The following CACNA2D3 variants were observed in gnomAD, a reference collection of about 807,000 sequenced individuals.
CACNA2D3 encodes voltage-dependent calcium channel subunit alpha-2/delta-3.
A neutral mutation model predicts 160.6 loss-of-function variants in CACNA2D3; 60 were observed. The observed-to-expected ratio is 0.37, with a 90% confidence interval of 0.30 to 0.46. The LOEUF is 0.46. CACNA2D3 is among the 20% of genes least tolerant of loss of function. The pLI is 1.00. For missense variants in CACNA2D3, 1,205 were observed against 1,365.0 expected (o/e 0.88, Z 1.85); for synonymous variants, 558 against 492.9 (o/e 1.13, Z -1.75).
chr3:54,378,528 G>A (rs2107554892), intron 3 of CACNA2D3, among the ~76,000 whole-genome samples: 1 of 152,212 alleles, frequency 6.6e-6, no homozygotes, highest in Middle Eastern at 3.4e-3. Context: ...CATTCATTGT[G>A]GACTATCCCC....
At chr3:54,753,590 A>C (rs1440033948) in intron 12 of CACNA2D3, among the ~76,000 whole-genome samples, 3 of 152,204 alleles carry the variant, frequency 2.0e-5, no homozygotes, top group African/African-American at 7.2e-5. Flanking sequence ...ATGACAAATA[A>C]ACTTTTATGT....
intron 8 of CACNA2D3, among the ~76,000 whole-genome samples, chr3:54,573,828 G>A (rs1293179041): frequency 1.3e-5 from 2 of 152,212 alleles, no homozygotes; most frequent in Non-Finnish European, 2.9e-5. Flanking sequence ...CCAATCCTAA[G>A]TGTGTTCTGC....
chr3:54,431,626 T>A (rs1699992113), intron 4 of CACNA2D3, among the ~76,000 whole-genome samples: 1 of 152,226 alleles, frequency 6.6e-6, no homozygotes, highest in African/African-American at 2.4e-5. Context: ...TTTATTTTTA[T>A]TTATTTTAGA....
At chr3:54,345,732 G>A (rs1698444838) in intron 3 of CACNA2D3, among the ~76,000 whole-genome samples, 1 of 152,112 alleles carries the variant, frequency 6.6e-6, no homozygotes, top group African/African-American at 2.4e-5. Flanking sequence ...GCACCTCTAA[G>A]CCTAACGTCA....
chr3:54,424,582 C>G (rs1410097791), intron 4 of CACNA2D3, among the ~76,000 whole-genome samples: 1 of 152,182 alleles, frequency 6.6e-6, no homozygotes, highest in Non-Finnish European at 1.5e-5. Flanking sequence ...CTGAATAACT[C>G]TGTTTTGCAT....
chr3:54,463,575 A>T (rs528855823), intron 4 of CACNA2D3, among the ~76,000 whole-genome samples: 3 of 151,116 alleles, frequency 2.0e-5, no homozygotes, highest in Non-Finnish European at 4.4e-5. Context: ...TCGGCTCCTG[A>T]GGCTTCTGCA....
intron 11 of CACNA2D3, among the ~76,000 whole-genome samples, chr3:54,685,474 G>T (rs1022808191): frequency 1.3e-5 from 2 of 152,186 alleles, no homozygotes; most frequent in African/African-American, 4.8e-5. Flanking sequence ...GCCAATCCCT[G>T]GAGTGAATCA....
intron 11 of CACNA2D3, among the ~76,000 whole-genome samples, chr3:54,665,659 G>A (rs778931626): frequency 2.2e-4 from 33 of 152,252 alleles, no homozygotes; most frequent in Non-Finnish European, 3.8e-4. Context: ...GCCAGAGATA[G>A]GAAGAGACTA....
chr3:54,976,056 T>TACACACACACAC (rs3841944), intron 29 of CACNA2D3, among the ~76,000 whole-genome samples: 34 of 144,968 alleles, frequency 2.3e-4, no homozygotes, highest in African/African-American at 7.5e-4. Flanking sequence ...TAGATATAGA[T>TACACACACACAC]ACACACACAC....
At chr3:54,354,302 C>T (rs1698612819) in intron 3 of CACNA2D3, among the ~76,000 whole-genome samples, 1 of 152,126 alleles carries the variant, frequency 6.6e-6, no homozygotes, top group African/African-American at 2.4e-5. Context: ...TTAAGGACAG[C>T]CCAGGGCCTT....
At chr3:54,405,178 A>G (rs1475441675) in intron 4 of CACNA2D3, among the ~76,000 whole-genome samples, 1 of 151,814 alleles carries the variant, frequency 6.6e-6, no homozygotes, top group Non-Finnish European at 1.5e-5. Context: ...AATCCCTATC[A>G]AAATCCCAAT....
chr3:54,265,594 A>G (rs1176113925), intron 2 of CACNA2D3, among the ~76,000 whole-genome samples: 1 of 148,498 alleles, frequency 6.7e-6, no homozygotes, highest in Admixed American at 6.7e-5. Flanking sequence ...ATATATATAT[A>G]GTGTGTATAT....
chr3:54,457,351 A>G (rs572334057), intron 4 of CACNA2D3, among the ~76,000 whole-genome samples: 1 of 152,036 alleles, frequency 6.6e-6, no homozygotes, highest in Non-Finnish European at 1.5e-5. Context: ...TTTAATTTAC[A>G]TGCATTTGTA....
chr3:54,150,822 TGATGGATG>T lies in CACNA2D3; in HGVS notation c.204+27253_204+27260del, dbSNP rs10599520. 5.8e-3 allele frequency among the ~76,000 whole-genome samples: 877 copies of T among 150,894 alleles called. 14 individuals carry two copies. The highest frequency in any genetic ancestry group is 0.019 in the African/African-American group (788 of 40,988). On this transcript the variant is annotated intron_variant, in intron 2 of 37. Coordinates refer to ENST00000474759, the MANE Select transcript of CACNA2D3 (RefSeq NM_018398.3). ...AGCTGTGGAATTGGTGCTTAATACA[TGATGGATG>T]GATGGATGGATGGATGGATGGATGA...
chr3:54,254,311 A>G (rs1225913475), intron 2 of CACNA2D3, among the ~76,000 whole-genome samples: 1 of 152,068 alleles, frequency 6.6e-6, no homozygotes, highest in African/African-American at 2.4e-5. Context: ...TTATCTTACA[A>G]TCCAGTGCTT....
chr3:54,486,669 A>C (rs1472622381), intron 4 of CACNA2D3, among the ~76,000 whole-genome samples: 10 of 152,282 alleles, frequency 6.6e-5, no homozygotes, highest in African/African-American at 2.2e-4. Context: ...CTGGCAGCCC[A>C]AAGCAGCAGC....
chr3:54,487,810 A>G (rs942533239), intron 4 of CACNA2D3, among the ~76,000 whole-genome samples: 1 of 152,228 alleles, frequency 6.6e-6, no homozygotes, highest in African/African-American at 2.4e-5. Context: ...AATAAGAGTA[A>G]AAAATCAGTT....
At chr3:54,401,132 A>G (rs1301710280) in intron 4 of CACNA2D3, among the ~76,000 whole-genome samples, 4 of 152,086 alleles carry the variant, frequency 2.6e-5, no homozygotes, top group Admixed American at 6.5e-5. Context: ...ACATCAGACT[A>G]GATCAAGCAG....
At chr3:54,198,649 C>G (rs1329340282) in intron 2 of CACNA2D3, among the ~76,000 whole-genome samples, 1 of 152,246 alleles carries the variant, frequency 6.6e-6, no homozygotes, top group African/African-American at 2.4e-5. Flanking sequence ...AAGGAAGACA[C>G]TCAGCTTGGG....
Sources: gnomAD v4.1 joint callset for allele counts (sites outside exome capture counted in the v4.1 genomes callset) on GRCh38, gnomAD v4.1.1 for gene constraint, MANE v1.5 for transcripts, NCBI Gene and HGNC (gene_info 2026-07-23, HGNC 2026-07-21) for gene names.